The following PTPRZ1 variants were observed in gnomAD, a reference collection of about 807,000 sequenced individuals.
PTPRZ1 encodes protein tyrosine phosphatase receptor type Z1, also known as receptor-type tyrosine-protein phosphatase zeta.
PTPRZ1 carries 82 observed loss-of-function variants against 214.1 expected under a neutral mutation model. The ratio of observed to expected loss-of-function variants is 0.38; its 90% CI spans 0.32 to 0.46. PTPRZ1 has a LOEUF of 0.46. Ranked by LOEUF, PTPRZ1 falls within the 20% of genes least tolerant of loss-of-function variation. PTPRZ1 has a pLI of 1.00. For missense variants in PTPRZ1, 2,603 were observed against 2,748.7 expected (o/e 0.95, Z 1.19); for synonymous variants, 945 against 987.9 (o/e 0.96, Z 0.81).
chr7:122,004,159 G>A (rs893987483), intron 10 of PTPRZ1, among the ~76,000 whole-genome samples: 16 of 152,164 alleles, frequency 1.1e-4, no homozygotes, highest in African/African-American at 3.9e-4. Flanking sequence ...GGAAGAGGTT[G>A]CTAAATAAGA....
At chr7:121,945,577 A>C (rs1796347074) in intron 2 of PTPRZ1, among the ~76,000 whole-genome samples, 1 of 152,144 alleles carries the variant, frequency 6.6e-6, no homozygotes, top group South Asian at 2.1e-4. Context: ...AGGTTACATG[A>C]GTAGCTCCAA....
At chr7:121,917,363 G>A (rs1415448402) in intron 1 of PTPRZ1, among the ~76,000 whole-genome samples, 2 of 152,088 alleles carry the variant, frequency 1.3e-5, no homozygotes, top group Non-Finnish European at 2.9e-5. Flanking sequence ...ATCAGGATTT[G>A]TATTTTCAAT....
In PTPRZ1 at chr7:122,013,097, G is replaced by A; in HGVS notation, c.4051G>A (p.Gly1351Ser). 1 of 1,613,820 alleles carries A rather than the reference G, an allele frequency of 6.2e-7. No individual in the cohort carries two copies. The highest frequency in any genetic ancestry group is 8.5e-7 in the Non-Finnish European group (1 of 1,179,722). Residue 1351 changes from glycine (G) to serine (S), a missense_variant, in exon 12 of 30, where the codon GGT (glycine) becomes AGT (serine). By Grantham distance (56) the Gly-to-Ser change is moderately conservative (BLOSUM62 0). Transcript: ENST00000393386. ...KSSVTGKVFA[G>S]IPTVASDTFV... ...TTCTGTTACTGGTAAGGTATTTGCT[G>A]GTATTCCAACAGTTGCTTCTGATAC...
intron 1 of PTPRZ1, among the ~76,000 whole-genome samples, chr7:121,894,643 C>CA (rs1223660479): frequency 6.6e-6 from 1 of 152,178 alleles, no homozygotes; most frequent in Non-Finnish European, 1.5e-5. Flanking sequence ...TGAGATCAAG[C>CA]AATCTGCCCA....
In PTPRZ1 at chr7:122,011,093, G is replaced by A. The variant is rs201997974; in HGVS notation, c.2047G>A (p.Val683Ile). ...CCAGACTAATTACACTGAGATACGT[G>A]TTGATGAATCTGAGAAGACAACCAA... ...FLQTNYTEIR[V>I]DESEKTTKSF... The change falls in exon 12 of 30, where the codon GTT becomes ATT. Residue 683 changes from valine (V) to isoleucine (I), a missense_variant. By Grantham distance (29) the Val-to-Ile change is conservative. This residue lies in a region of PTPRZ1 where 1,913 missense variants were observed against 1,914.3 expected (regional missense o/e 1.00). Coordinates refer to ENST00000393386, the MANE Select transcript of PTPRZ1 (RefSeq NM_002851.3). 1.4e-5 allele frequency: 22 copies of A among 1,614,158 alleles called. No homozygotes were observed. Among genetic ancestry groups the A allele is most frequent in the Non-Finnish European group, 1.5e-5 (18 of 1,180,024 alleles).
At chr7:121,899,147 AT>A (rs903605242) in intron 1 of PTPRZ1, among the ~76,000 whole-genome samples, 83 of 151,646 alleles carry the variant, frequency 5.5e-4, no homozygotes, top group Middle Eastern at 3.4e-3. Context: ...GTACTAATGG[AT>A]TTTTTTTTAA....
At chr7:122,036,050 T>C (rs1467199984) in intron 17 of PTPRZ1, among the ~76,000 whole-genome samples, 1 of 152,188 alleles carries the variant, frequency 6.6e-6, no homozygotes, top group African/African-American at 2.4e-5. Context: ...CAGTTTCTCT[T>C]TGAGGCTCCT....
At chr7:121,891,451 CTTTTTTTTTTTTTTTTTTT>C (rs58135453) in intron 1 of PTPRZ1, among the ~76,000 whole-genome samples, 6 of 35,754 alleles carry the variant, frequency 1.7e-4, no homozygotes, top group South Asian at 1.6e-3. Context: ...AAAACAACCT[CTTTTTTTTTTTTTTTTTTT>C]TTTTTTTTTT....
intron 11 of PTPRZ1, among the ~76,000 whole-genome samples, chr7:122,008,492 G>A (rs748407194): frequency 4.6e-5 from 7 of 152,168 alleles, no homozygotes; most frequent in South Asian, 2.1e-4. Flanking sequence ...ACAGAAGTGC[G>A]AATTAGCTTT....
intron 1 of PTPRZ1, among the ~76,000 whole-genome samples, chr7:121,894,644 A>T (rs898089052): frequency 6.6e-6 from 1 of 152,152 alleles, no homozygotes; most frequent in Non-Finnish European, 1.5e-5. Flanking sequence ...GAGATCAAGC[A>T]ATCTGCCCAC....
intron 13 of PTPRZ1, among the ~76,000 whole-genome samples, chr7:122,022,164 T>G (rs1799036588): frequency 1.3e-5 from 2 of 152,212 alleles, no homozygotes; most frequent in Non-Finnish European, 2.9e-5. Flanking sequence ...TATTTAAACT[T>G]TTTTAAACAG....
rs1382042557 is a variant in PTPRZ1 at position 122,012,540 on chromosome 7, C to T, written c.3494C>T (p.Thr1165Ile). The T allele has an allele frequency of 9.3e-6, 15 of 1,614,134 alleles. No homozygotes were observed. In the East Asian group the frequency reaches 2.9e-4, roughly 31 times the overall value. ...TCTAGTGAAATGTTATCTCCTTCAA[C>T]TCAGCTCTTATTTTATGAGACCTCA... ...PASSEMLSPS[T>I]QLLFYETSAS... is the part of the protein sequence containing the mutation. Residue 1165 changes from threonine (T) to isoleucine (I), a missense_variant, in exon 12 of 30, where the codon ACT (threonine) becomes ATT (isoleucine). Physicochemically the swap from Thr to Ile is moderately conservative, Grantham distance 89 (BLOSUM62 -1). This residue lies in a region of PTPRZ1 where 1,913 missense variants were observed against 1,914.3 expected (regional missense o/e 1.00). Coordinates refer to ENST00000393386, the MANE Select transcript of PTPRZ1 (RefSeq NM_002851.3).
intron 2 of PTPRZ1, among the ~76,000 whole-genome samples, chr7:121,934,979 A>G (rs568456144): frequency 6.6e-6 from 1 of 152,346 alleles, no homozygotes; most frequent in African/African-American, 2.4e-5. Context: ...CCACACACAC[A>G]CAAAACAGAT....
chr7:121,967,890 A>G (rs1397545395), intron 2 of PTPRZ1, 61 bp from the exon 3 acceptor site: 24 of 1,254,534 alleles, frequency 1.9e-5, no homozygotes, highest in Admixed American at 4.5e-5. Flanking sequence ...ACTATAATGT[A>G]AAGTTTAATT....
chr7:121,991,920 G>T (rs981469969), intron 8 of PTPRZ1, among the ~76,000 whole-genome samples: 1 of 152,044 alleles, frequency 6.6e-6, no homozygotes, highest in East Asian at 1.9e-4. Flanking sequence ...TTACCTTCTG[G>T]GTCTGTAAGT....
chr7:121,877,434 C>T (rs1387252461), intron 1 of PTPRZ1, among the ~76,000 whole-genome samples: 1 of 152,126 alleles, frequency 6.6e-6, no homozygotes, highest in Non-Finnish European at 1.5e-5. Flanking sequence ...CCCATGTACT[C>T]TTGTATTACT....
chr7:121,965,329 A>G (rs1462259957), intron 2 of PTPRZ1, among the ~76,000 whole-genome samples: 2 of 151,516 alleles, frequency 1.3e-5, no homozygotes, highest in South Asian at 4.2e-4. Flanking sequence ...TTGTAGGACT[A>G]AAGTCCCTGA....
chr7:122,034,777 A>G (rs1453996696), intron 17 of PTPRZ1, among the ~76,000 whole-genome samples: 1 of 151,642 alleles, frequency 6.6e-6, no homozygotes, highest in Non-Finnish European at 1.5e-5. Context: ...TTTTTCTTCT[A>G]CCTTTACCTG....
chr7:121,943,505 T>A (rs551994560), intron 2 of PTPRZ1, among the ~76,000 whole-genome samples: 91 of 152,078 alleles, frequency 6.0e-4, no homozygotes, highest in African/African-American at 2.1e-3. Flanking sequence ...CCGGCTAATT[T>A]TTTTTTGTAT....
Sources: allele counts gnomAD v4.1 joint callset (sites outside exome capture counted in the v4.1 genomes callset), GRCh38; gene constraint gnomAD v4.1.1; regional missense constraint gnomAD v4.1.1; transcripts MANE v1.5; gene names NCBI Gene and HGNC (gene_info 2026-07-23, HGNC 2026-07-21).